ITPR2: variants seen among roughly 807,000 people sequenced by gnomAD.
ITPR2 encodes inositol 1,4,5-trisphosphate receptor type 2, also known as inositol 1,4,5-trisphosphate-gated calcium channel ITPR2.
Under a neutral mutation model 317.1 loss-of-function variants are expected in ITPR2, and 207 were observed. That is an observed-to-expected ratio of 0.65 (90% confidence interval 0.58 to 0.73). The LOEUF is 0.73. Among genes scored for constraint, ITPR2 ranks in the 30% least tolerant of loss-of-function variants. ITPR2 has a pLI of 0.00. For synonymous variants in ITPR2, 1,156 were observed against 1,149.1 expected (o/e 1.01, Z -0.12); for missense variants, 2,613 against 3,284.0 (o/e 0.80, Z 4.99).
chr12:26,445,944 A>G (rs1034838566), intron 45 of ITPR2, among the ~76,000 whole-genome samples: 1 of 152,130 alleles, frequency 6.6e-6, no homozygotes, highest in African/African-American at 2.4e-5. Context: ...ACTAGGTGAG[A>G]GTGGAATGAT....
chr12:26,508,158 C>A (rs531210649), intron 37 of ITPR2, among the ~76,000 whole-genome samples: 1 of 152,244 alleles, frequency 6.6e-6, no homozygotes, highest in African/African-American at 2.4e-5. Context: ...ACTTTAAAAT[C>A]CATGGTGTGC....
chr12:26,416,844 A>G (rs1021295), intron 50 of ITPR2, among the ~76,000 whole-genome samples: 146,003 of 152,214 alleles, frequency 0.96, 70,017 homozygotes, highest in East Asian at 1. Context: ...AAGTCAACTC[A>G]GCTGAGGTTT....
intron 2 of ITPR2, among the ~76,000 whole-genome samples, chr12:26,748,915 T>A (rs1175496887): frequency 6.6e-6 from 1 of 152,162 alleles, no homozygotes; most frequent in Non-Finnish European, 1.5e-5. Flanking sequence ...TTTAGTAATT[T>A]AAGCCACAGA....
intron 37 of ITPR2, among the ~76,000 whole-genome samples, chr12:26,539,527 C>T (rs780462069): frequency 1.3e-5 from 2 of 152,188 alleles, no homozygotes; most frequent in South Asian, 4.1e-4. Context: ...AGGACGAGCG[C>T]CCTTCCTGGG....
At chr12:26,666,264 T>C (rs1252905995) in intron 13 of ITPR2, among the ~76,000 whole-genome samples, 1 of 152,156 alleles carries the variant, frequency 6.6e-6, no homozygotes. Flanking sequence ...TGTTTTATAA[T>C]AAAAAAGTAT....
intron 2 of ITPR2, among the ~76,000 whole-genome samples, chr12:26,762,295 A>G (rs2137127551): frequency 6.6e-6 from 1 of 152,354 alleles, no homozygotes; most frequent in South Asian, 2.1e-4. Context: ...GAAACACATT[A>G]AATCATTCTC....
At position 26,745,707 on chromosome 12, in the gene ITPR2, C is replaced by T. The variant is rs375999591; in HGVS notation, c.164-19942G>A. Among the ~76,000 whole-genome samples the T allele has an allele frequency of 2.0e-4, 31 of 152,310 alleles. No individual in the cohort carries two copies. The East Asian group carries it at 4.6e-3, about 23-fold the overall frequency. On this transcript the variant is annotated intron_variant, in intron 2 of 56. Coordinates refer to ENST00000381340, the MANE Select transcript of ITPR2 (RefSeq NM_002223.4). Reference sequence around the variant, plus strand: ...CAGAGAGACAGAAAGGTAGTTATAACGTGTTTTTTGTGGAACACAATTATC... The same window carrying T: ...CAGAGAGACAGAAAGGTAGTTATAATGTGTTTTTTGTGGAACACAATTATC...
intron 1 of ITPR2, among the ~76,000 whole-genome samples, chr12:26,811,036 C>CAAAAAAAAAAAAAAAA (rs79796097): frequency 9.2e-6 from 1 of 108,314 alleles, no homozygotes; most frequent in African/African-American, 3.9e-5. Flanking sequence ...TTTTAAGTTA[C>CAAAAAAAAAAAAAAAA]AAAAAAAAAA....
At chr12:26,396,681 G>A (rs1940009944) in intron 54 of ITPR2, among the ~76,000 whole-genome samples, 1 of 152,194 alleles carries the variant, frequency 6.6e-6, no homozygotes, top group African/African-American at 2.4e-5. Context: ...CCCAGTTATA[G>A]TCTCCAGCGA....
chr12:26,599,452 A>T, intron 29 of ITPR2, 107 bp from the exon 30 acceptor site: 2 of 980,542 alleles, frequency 2.0e-6, no homozygotes, highest in Non-Finnish European at 3.1e-6. Flanking sequence ...TTTTATACGA[A>T]GCCACAGTGA....
intron 45 of ITPR2, among the ~76,000 whole-genome samples, chr12:26,474,326 A>C (rs1942360522): frequency 6.6e-6 from 1 of 152,234 alleles, no homozygotes; most frequent in Non-Finnish European, 1.5e-5. Flanking sequence ...AAAACAAAGG[A>C]GCTATCATAG....
At chr12:26,683,096 T>C (rs915763351) in intron 11 of ITPR2, among the ~76,000 whole-genome samples, 2 of 152,204 alleles carry the variant, frequency 1.3e-5, no homozygotes, top group African/African-American at 4.8e-5. Context: ...GTAGTGTAGT[T>C]TGTGTAGTTT....
At chr12:26,560,040 T>C (rs1315396765) in intron 35 of ITPR2, among the ~76,000 whole-genome samples, 1 of 152,222 alleles carries the variant, frequency 6.6e-6, no homozygotes, top group Non-Finnish European at 1.5e-5. Context: ...GCTCTCTCTT[T>C]AGCACTTCAC....
chr12:26,353,218 CATT>C (rs1938536810), intron 55 of ITPR2, among the ~76,000 whole-genome samples: 1 of 152,176 alleles, frequency 6.6e-6, no homozygotes, highest in Non-Finnish European at 1.5e-5. Flanking sequence ...ATGGTTCAGT[CATT>C]GTCTTTCTGA....
Position 26,387,484 on chromosome 12 carries a change from C to A in ITPR2, c.7807G>T (p.Asp2603Tyr). The change falls in exon 55 of 57, where the codon GAC becomes TAC. Residue 2603 changes from aspartate to tyrosine, a missense_variant. This residue lies in a region of ITPR2 where 119 missense variants were observed against 144.3 expected (regional missense o/e 0.82). Coordinates refer to ENST00000381340, the MANE Select transcript of ITPR2 (RefSeq NM_002223.4). ...TCAGGTCCAGTGTATTCTGTTGGGTCTTTAACTTTCACCAGGACTATGAAG... is the reference window on the plus strand; with the variant it reads ...TCAGGTCCAGTGTATTCTGTTGGGTATTTAACTTTCACCAGGACTATGAAG... The part of the protein sequence containing the change: ...LYFIVLVKVK[D>Y]PTEYTGPESY... The A allele has an allele frequency of 6.2e-7, 1 of 1,613,858 alleles. No individual in the cohort carries two copies. The highest frequency in any genetic ancestry group is 2.2e-5 in the East Asian group (1 of 44,840).
At chr12:26,653,846 C>G (rs1947313374) in intron 21 of ITPR2, 130 bp downstream of exon 21, 2 of 663,110 alleles carry the variant, frequency 3.0e-6, no homozygotes. Context: ...TCAGCCCTGT[C>G]ATAGGAATTG....
intron 21 of ITPR2, among the ~76,000 whole-genome samples, chr12:26,640,564 A>T (rs947418650): frequency 1.8e-4 from 27 of 152,140 alleles, no homozygotes; most frequent in Non-Finnish European, 2.9e-4. Context: ...CAGAAATAGA[A>T]TCTATTTTGA....
chr12:26,749,169 G>A lies in ITPR2; in HGVS notation c.164-23404C>T, dbSNP rs114476747. ...ACTCTGCAGTTTGAAAGTTCAAGAT[G>A]GAAACTAGAGGAAGAAATTGAACTC... On this transcript the variant is annotated intron_variant, in intron 2 of 56. Coordinates refer to ENST00000381340, the MANE Select transcript of ITPR2 (RefSeq NM_002223.4). Among the ~76,000 whole-genome samples, 851 of 152,186 alleles carry A rather than the reference G, an allele frequency of 5.6e-3. 6 individuals carry two copies. Among genetic ancestry groups the A allele is most frequent in the African/African-American group, 0.019 (774 of 41,496 alleles).
intron 43 of ITPR2, among the ~76,000 whole-genome samples, chr12:26,480,614 G>C (rs1170164730): frequency 1.3e-5 from 2 of 152,088 alleles, no homozygotes; most frequent in African/African-American, 4.8e-5. Flanking sequence ...GGCCGAGGTG[G>C]GCAGATCACG....
Sources: allele counts gnomAD v4.1 joint callset (sites outside exome capture counted in the v4.1 genomes callset), GRCh38; gene constraint gnomAD v4.1.1; regional missense constraint gnomAD v4.1.1; transcripts MANE v1.5; gene names NCBI Gene and HGNC (gene_info 2026-07-23, HGNC 2026-07-21).